The following ESYT2 variants were observed in gnomAD, a reference collection of about 807,000 sequenced individuals.
The protein encoded by ESYT2 is extended synaptotagmin 2, also known as extended synaptotagmin-2.
A neutral mutation model predicts 107.2 loss-of-function variants in ESYT2; 54 were observed. The ratio of observed to expected loss-of-function variants is 0.50; its 90% confidence interval spans 0.40 to 0.63. The LOEUF (loss-of-function observed/expected upper bound fraction) is 0.63. Ranked by LOEUF, ESYT2 falls within the 30% of genes least tolerant of loss-of-function variation. ESYT2 has a pLI of 0.00. For missense variants in ESYT2, 1,020 were observed against 1,094.5 expected (o/e 0.93, Z 0.96); for synonymous variants, 491 against 434.1 (o/e 1.13, Z -1.63).
chr7:158,791,853 G>A (rs1030431337), intron 4 of ESYT2, among the ~76,000 whole-genome samples: 3 of 152,184 alleles, frequency 2.0e-5, no homozygotes, highest in African/African-American at 7.2e-5. Flanking sequence ...TATAGGGACT[G>A]CATTAAATCT....
Position 158,763,098 on chromosome 7 carries a change from T to A in ESYT2, c.1169A>T (p.Asp390Val). Reference sequence around the variant, plus strand: ...CTTTATTTACCTTCCTAAAAAGTCATCCTTGTCTGGGTCTTCATCAAAGAG... The same window carrying A: ...CTTTATTTACCTTCCTAAAAAGTCAACCTTGTCTGGGTCTTCATCAAAGAG... ...IELFDEDPDK[D>V]DFLGSLMIDL... Residue 390 changes from aspartate (D) to valine (V), a missense_variant, in exon 10 of 23, where the codon GAT becomes GTT. Physicochemically the swap from Asp to Val is radical, Grantham distance 152 (BLOSUM62 -3). Coordinates refer to ENST00000275418, the MANE Select transcript of ESYT2 (RefSeq NM_001367773.1). 6.2e-7 allele frequency: 1 copy of A among 1,612,942 alleles called. No homozygotes were observed. The highest frequency in any genetic ancestry group is 8.5e-7 in the Non-Finnish European group (1 of 1,179,304).
At chr7:158,788,456 G>C in intron 4 of ESYT2, 39 bp from the exon 5 acceptor site, 13 of 1,510,368 alleles carry the variant, frequency 8.6e-6, no homozygotes, top group Non-Finnish European at 1.2e-5. Flanking sequence ...TAAGTGAAAT[G>C]AACTATTCTC....
At chr7:158,804,196 G>C (rs558005455) in intron 1 of ESYT2, among the ~76,000 whole-genome samples, 43 of 62,176 alleles carry the variant, frequency 6.9e-4, no homozygotes, top group African/African-American at 3.4e-3. Flanking sequence ...CCAAACCGCC[G>C]AGAAGGGTGA....
chr7:158,785,425 CAAAATAAA>C (rs1253085334), intron 6 of ESYT2, among the ~76,000 whole-genome samples: 2 of 117,008 alleles, frequency 1.7e-5, no homozygotes, highest in South Asian at 3.1e-4. Flanking sequence ...AACTCCGTCT[CAAAATAAA>C]TAAATAAATA....
chr7:158,755,926 T>C (rs1190024197), intron 13 of ESYT2, among the ~76,000 whole-genome samples: 3 of 152,048 alleles, frequency 2.0e-5, no homozygotes, highest in Non-Finnish European at 2.9e-5. Context: ...AAATGACGAG[T>C]TGGTGTGTGC....
At position 158,754,755 on chromosome 7, in the gene ESYT2, G is replaced by A. The variant is rs1211902021; in HGVS notation, c.1420-1912C>T. Among the ~76,000 whole-genome samples, 3 of 152,296 alleles carry A rather than the reference G, an allele frequency of 2.0e-5. No individual in the cohort carries two copies. In the East Asian group the frequency reaches 5.8e-4, roughly 29 times the overall value. On this transcript the variant is annotated intron_variant, in intron 13 of 22. Coordinates refer to ENST00000275418, the MANE Select transcript of ESYT2 (RefSeq NM_001367773.1). ...AAGAGGCGCCAAGCACCCCGACTCT[G>A]GGCCCACGCTGAGTTCCAATTCCAG...
chr7:158,792,577 A>AAT (rs35338776), intron 4 of ESYT2, among the ~76,000 whole-genome samples: 18,777 of 149,010 alleles, frequency 0.13, 1,345 homozygotes, highest in African/African-American at 0.2. Context: ...CATATATATA[A>AAT]ATATATATAT....
intron 13 of ESYT2, among the ~76,000 whole-genome samples, chr7:158,758,110 T>C (rs1481551649): frequency 6.6e-6 from 1 of 152,032 alleles, no homozygotes; most frequent in Non-Finnish European, 1.5e-5. Context: ...ATGTAAGAAT[T>C]CTTCTAAGAA....
intron 7 of ESYT2, among the ~76,000 whole-genome samples, chr7:158,768,886 A>G (rs993361212): frequency 6.6e-6 from 1 of 152,228 alleles, no homozygotes; most frequent in African/African-American, 2.4e-5. Context: ...AAACAAACAT[A>G]TATATATGTC....
intron 18 of ESYT2, 45 bp downstream of exon 18, chr7:158,741,478 G>GA (rs397719392): frequency 5.2e-5 from 79 of 1,514,512 alleles, no homozygotes; most frequent in Non-Finnish European, 6.7e-5. Context: ...GGGGTGGGGG[G>GA]CGCTTGCTCT....
intron 1 of ESYT2, among the ~76,000 whole-genome samples, chr7:158,800,590 A>G (rs1839607768): frequency 1.3e-5 from 2 of 151,760 alleles, no homozygotes; most frequent in Non-Finnish European, 2.9e-5. Context: ...GGATCTCACT[A>G]TGTTGTCTAG....
chr7:158,752,804 T>G lies in ESYT2; in HGVS notation c.1459A>C (p.Thr487Pro). 1 of 1,304,266 alleles carries G rather than the reference T, an allele frequency of 7.7e-7. No individual in the cohort carries two copies. Among genetic ancestry groups the G allele is most frequent in the Middle Eastern group, 2.1e-4 (1 of 4,698 alleles). 80.8% of individuals were successfully genotyped at this position (1,304,266 alleles called of 1,614,324 possible). ...ACCTTTAAAGCTCTCTGAACTGCAG[T>G]CTTCTTCAAGACATCGGGGTTAAAT... The part of the protein sequence containing the change: ...LEFNPDVLKK[T>P]AVQRALKSGK... Residue 487 changes from threonine (T) to proline (P), a missense_variant, in exon 14 of 23, where the codon ACT becomes CCT. Thr to Pro is a conservative substitution (Grantham distance 38). Transcript: ENST00000275418.
chr7:158,822,352 A>G (rs1288531778), intron 1 of ESYT2, among the ~76,000 whole-genome samples: 1 of 152,232 alleles, frequency 6.6e-6, no homozygotes, highest in Non-Finnish European at 1.5e-5. Context: ...AAGACTTTGG[A>G]ATAACTCACG....
chr7:158,800,117 C>T (rs1441739809), intron 1 of ESYT2, among the ~76,000 whole-genome samples: 1 of 149,020 alleles, frequency 6.7e-6, no homozygotes, highest in Middle Eastern at 3.5e-3. Context: ...GGCGCGATCT[C>T]GGCTCACTGC....
At chr7:158,829,037 G>T in intron 1 of ESYT2, 52 bp downstream of exon 1, 1 of 1,559,056 alleles carries the variant, frequency 6.4e-7, no homozygotes, top group South Asian at 1.2e-5. Flanking sequence ...CTGGACGAGG[G>T]GAGATCGGGA....
chr7:158,766,195 A>T (rs933560084), intron 8 of ESYT2, among the ~76,000 whole-genome samples: 2 of 152,216 alleles, frequency 1.3e-5, no homozygotes, highest in African/African-American at 4.8e-5. Context: ...ACAGAGTGAT[A>T]TTCCTCATTC....
At chr7:158,825,492 C>T (rs1235157962) in intron 1 of ESYT2, among the ~76,000 whole-genome samples, 1 of 152,178 alleles carries the variant, frequency 6.6e-6, no homozygotes, top group African/African-American at 2.4e-5. Context: ...TGAAGAATAA[C>T]AACACTGTTT....
At position 158,739,025 on chromosome 7, in the gene ESYT2, G is replaced by A. The variant is rs1416429312; in HGVS notation, c.2265C>T (p.Cys755=). 1 of 1,613,746 alleles carries A rather than the reference G, an allele frequency of 6.2e-7. No individual in the cohort carries two copies. The highest frequency in any genetic ancestry group is 8.5e-7 in the Non-Finnish European group (1 of 1,179,792). ...RNKLIVVVHA[C]RNLIAFSEDG... is the part of the protein sequence containing the mutation. Reference sequence around the variant, plus strand: ...GCGCGTGGGACCCCAGCCCCCACCTGCAGGCATGCACGACCACGATAAGCT... The same window carrying A: ...GCGCGTGGGACCCCAGCCCCCACCTACAGGCATGCACGACCACGATAAGCT... The change falls in exon 19 of 23, where the codon TGC becomes TGT. Residue 755 remains cysteine, a splice_region_variant and synonymous_variant. Coordinates refer to ENST00000275418, the MANE Select transcript of ESYT2 (RefSeq NM_001367773.1).
At chr7:158,757,470 G>A (rs1210160899) in intron 13 of ESYT2, among the ~76,000 whole-genome samples, 1 of 152,192 alleles carries the variant, frequency 6.6e-6, no homozygotes, top group African/African-American at 2.4e-5. Flanking sequence ...AGCAGAGAAC[G>A]GTGGATTGTG....
Sources: gnomAD v4.1 joint callset for allele counts (sites outside exome capture counted in the v4.1 genomes callset) on GRCh38, gnomAD v4.1.1 for gene constraint, MANE v1.5 for transcripts, NCBI Gene and HGNC (gene_info 2026-07-23, HGNC 2026-07-21) for gene names.